PABIR3: variants seen among roughly 807,000 people sequenced by gnomAD.
PABIR3 encodes PABIR family member 1.
A neutral mutation model predicts 23.1 loss-of-function variants in PABIR3; 20 were observed. The observed-to-expected ratio is 0.86, with a 90% CI of 0.61 to 1.26. The LOEUF is 1.26. Among genes scored for constraint, PABIR3 ranks in the 50% most tolerant of loss-of-function variants. The pLI, the probability that PABIR3 is intolerant of heterozygous loss-of-function variation, is 0.00. For synonymous variants in PABIR3, 69 were observed against 68.5 expected, an observed-to-expected ratio of 1.01 and a Z score of -0.04; for missense variants, 189 against 195.4, an observed-to-expected ratio of 0.97 and a Z score of 0.20.
At chrX:134,812,797 A>G (rs2080749151) in intron 2 of PABIR3, among the ~76,000 whole-genome samples, 1 of 111,458 alleles carries the variant, frequency 9.0e-6, no homozygotes, top group Non-Finnish European at 1.9e-5. Context: ...TAAGTATTAT[A>G]TGTAGAACAG....
At chrX:134,833,663 C>T (rs764270495) in intron 4 of PABIR3, among the ~76,000 whole-genome samples, 1 of 110,762 alleles carries the variant, frequency 9.0e-6, no homozygotes, top group East Asian at 2.8e-4. Context: ...AGGTTCCCTC[C>T]CCTCACCACC....
downstream of PABIR3, among the ~76,000 whole-genome samples, chrX:134,858,587 T>G (rs895545645): frequency 4.5e-5 from 5 of 112,124 alleles, no homozygotes; most frequent in Non-Finnish European, 9.4e-5. Context: ...GAAGTGTTTT[T>G]AAATATTTTA....
At chrX:134,804,464 T>C (rs2080145545), upstream of PABIR3, among the ~76,000 whole-genome samples, 1 of 112,021 alleles carries the variant, frequency 8.9e-6, no homozygotes, top group South Asian at 3.7e-4. Context: ...GCTCCTTCTC[T>C]TTGATAATAG....
intron 3 of PABIR3, among the ~76,000 whole-genome samples, chrX:134,824,616 A>G (rs895422795): frequency 9.0e-6 from 1 of 111,475 alleles, no homozygotes; most frequent in African/African-American, 3.3e-5. Flanking sequence ...TCTGGCCAAC[A>G]TGGAGAAACC....
intron 3 of PABIR3, among the ~76,000 whole-genome samples, 154 bp downstream of exon 3, chrX:134,815,003 G>A (rs1408922255): frequency 9.0e-6 from 1 of 111,497 alleles, no homozygotes; most frequent in Non-Finnish European, 1.9e-5. Context: ...TAAGTAGATG[G>A]GGGTGGAGCA....
intron 1 of PABIR3, among the ~76,000 whole-genome samples, chrX:134,801,264 T>C (rs2080058849): frequency 8.9e-6 from 1 of 112,592 alleles, no homozygotes; most frequent in Admixed American, 9.4e-5. Context: ...AAAGTCCAGA[T>C]AGTAATTTTC....
chrX:134,837,843 CT>C (rs1295078735), intron 4 of PABIR3, among the ~76,000 whole-genome samples: 1 of 112,133 alleles, frequency 8.9e-6, no homozygotes, highest in Non-Finnish European at 1.9e-5. Context: ...ACCGAATGAA[CT>C]ACAAAATACT....
chrX:134,842,285 C>T (rs1421282171), intron 4 of PABIR3, among the ~76,000 whole-genome samples: 4 of 112,060 alleles, frequency 3.6e-5, no homozygotes, highest in African/African-American at 1.3e-4. Context: ...TCTTTTCACT[C>T]TCTTGATAGT....
At chrX:134,796,466 A>G, upstream of PABIR3, 1 of 336,393 alleles carries the variant, frequency 3.0e-6, no homozygotes, top group East Asian at 4.8e-5. Flanking sequence ...GGAAGGTGAC[A>G]GAATGAAGGA....
At chrX:134,821,261 A>C (rs1178505400) in intron 3 of PABIR3, 12 of 977,439 alleles carry the variant, frequency 1.2e-5, no homozygotes, top group South Asian at 1.1e-4. Flanking sequence ...AAAAAAAAAA[A>C]AAAAAACTGT....
chrX:134,861,102 C>T, the PABIR3 span, among the ~76,000 whole-genome samples: 4 of 110,812 alleles, frequency 3.6e-5, no homozygotes, highest in African/African-American at 1.3e-4. Context: ...TGGTGAAACC[C>T]TTTCTCTATT....
Position 134,845,654 on chromosome X carries a change from T to A in PABIR3, c.345+253T>A, listed in dbSNP as rs185471028. 1.5e-3 allele frequency among the ~76,000 whole-genome samples: 168 copies of A among 112,069 alleles called. 1 individual carries two copies. The highest frequency in any genetic ancestry group is 5.0e-3 in the African/African-American group (155 of 30,882). ...GTCCTGCCTCAACCTCCCAAAATGC[T>A]AGGATTACAGGCTTGAGCCATTGCG... On this transcript the variant is annotated intron_variant, in intron 6 of 10. Transcript: ENST00000645433.
intron 7 of PABIR3, 41 bp downstream of exon 7, chrX:134,847,516 G>T: frequency 1.0e-6 from 1 of 978,111 alleles, no homozygotes; most frequent in Non-Finnish European, 1.4e-6. Flanking sequence ...TCTTGAAATA[G>T]TTAGGAAATA....
At chrX:134,841,360 T>C (rs919215159) in intron 4 of PABIR3, among the ~76,000 whole-genome samples, 3 of 111,633 alleles carry the variant, frequency 2.7e-5, no homozygotes, top group African/African-American at 9.8e-5. Context: ...TTAAACTCTT[T>C]TGATCACACA....
chrX:134,855,933 G>A (rs1569464849), downstream of PABIR3, among the ~76,000 whole-genome samples: 1 of 111,440 alleles, frequency 9.0e-6, no homozygotes, highest in Non-Finnish European at 1.9e-5. Flanking sequence ...CATGGAATGA[G>A]GTGTGGTTGC....
At chrX:134,851,617 C>T (rs777219915) in intron 9 of PABIR3, among the ~76,000 whole-genome samples, 2 of 110,908 alleles carry the variant, frequency 1.8e-5, no homozygotes, top group South Asian at 3.8e-4. Flanking sequence ...CTATAAATAT[C>T]GTTTGACAAG....
At chrX:134,832,677 A>G (rs770689535) in intron 4 of PABIR3, among the ~76,000 whole-genome samples, 2 of 111,095 alleles carry the variant, frequency 1.8e-5, no homozygotes, top group South Asian at 3.8e-4. Flanking sequence ...TTCTGGGATT[A>G]CAGGCGTGAG....
At chrX:134,819,757 C>T (rs537219521) in intron 3 of PABIR3, among the ~76,000 whole-genome samples, 5 of 110,513 alleles carry the variant, frequency 4.5e-5, no homozygotes, top group African/African-American at 9.9e-5. Flanking sequence ...TGGTGGCATG[C>T]GCCTGTAATC....
At chrX:134,829,165 G>A in intron 3 of PABIR3, 61 bp from the exon 4 acceptor site, 1 of 954,694 alleles carries the variant, frequency 1.0e-6, no homozygotes, top group Non-Finnish European at 1.5e-6. Flanking sequence ...TTGACTTAAT[G>A]TTGAGATGTA....
Sources: allele counts gnomAD v4.1 joint callset (sites outside exome capture counted in the v4.1 genomes callset), GRCh38; gene constraint gnomAD v4.1.1; transcripts MANE v1.5; gene names NCBI Gene and HGNC (gene_info 2026-07-23, HGNC 2026-07-21).